The following TRAT1 variants were observed in gnomAD, a reference collection of about 807,000 sequenced individuals.
TRAT1 encodes the protein T-cell receptor-associated transmembrane adapter 1.
In TRAT1, 20 loss-of-function variants were observed where a neutral mutation model predicts 20.0. The ratio of observed to expected loss-of-function variants is 1.00; its 90% CI spans 0.70 to 1.45. The LOEUF (loss-of-function observed/expected upper bound fraction) is 1.45, where lower values mean the gene tolerates loss of function less well. Among genes scored for constraint, TRAT1 ranks in the 40% most tolerant of loss-of-function variants. TRAT1 has a pLI of 0.00. For synonymous variants in TRAT1, 77 were observed against 74.2 expected, an observed-to-expected ratio of 1.04 and a Z score of -0.20; for missense variants, 237 against 224.1, an observed-to-expected ratio of 1.06 and a Z score of -0.37.
intron 3 of TRAT1, among the ~76,000 whole-genome samples, chr3:108,846,317 C>T (rs1433312802): frequency 6.6e-6 from 1 of 152,162 alleles, no homozygotes. Flanking sequence ...GGTTTCACAA[C>T]TGGTAGTTAT....
chr3:108,845,904 C>T (rs1945938085), intron 3 of TRAT1, among the ~76,000 whole-genome samples: 1 of 152,128 alleles, frequency 6.6e-6, no homozygotes. Context: ...AGTCTAGTGA[C>T]AATGGTAGGA....
At position 108,849,264 on chromosome 3, in the gene TRAT1, G is replaced by T. The variant is rs374901055; in HGVS notation, c.303+10G>T. The T allele has an allele frequency of 3.9e-5, 63 of 1,608,398 alleles. No homozygotes were observed. The highest frequency in any genetic ancestry group is 3.4e-6 in the Non-Finnish European group (4 of 1,175,656). ...CACCCCATCTGCACAGGTGAGTTTT[G>T]TTTTCTGTTTCCACATTTGCACATT... On this transcript the variant is annotated intron_variant, in intron 5 of 5. Transcript: ENST00000295756.
intron 5 of TRAT1, among the ~76,000 whole-genome samples, chr3:108,852,763 A>T (rs904190252): frequency 1.3e-5 from 2 of 152,182 alleles, no homozygotes; most frequent in African/African-American, 4.8e-5. Context: ...CACTATGATG[A>T]TTTGCATTTT....
intron 3 of TRAT1, among the ~76,000 whole-genome samples, chr3:108,841,963 T>A (rs1945900460): frequency 6.6e-6 from 1 of 152,170 alleles, no homozygotes; most frequent in Non-Finnish European, 1.5e-5. Flanking sequence ...GAAATTTGGT[T>A]TTATCATATG....
At chr3:108,837,343 T>G (rs1398866416) in intron 2 of TRAT1, among the ~76,000 whole-genome samples, 2 of 152,224 alleles carry the variant, frequency 1.3e-5, no homozygotes, top group Middle Eastern at 3.2e-3. Flanking sequence ...CGCAAAATCT[T>G]CCCTCATTTA....
At chr3:108,832,686 T>C (rs1945805377) in intron 2 of TRAT1, among the ~76,000 whole-genome samples, 1 of 152,200 alleles carries the variant, frequency 6.6e-6, no homozygotes, top group African/African-American at 2.4e-5. Context: ...CACTCTTTCA[T>C]TGATTCCACT....
Position 108,830,776 on chromosome 3 carries a change from A to G in TRAT1, c.114A>G (p.Arg38=), listed in dbSNP as rs771329673. ...TTTCCCACTATGTGGAAAAGCAACG[A>G]CAAGGTAAGACATTTTGACAAATTT... ...FNISHYVEKQ[R]QDKMYSYSSD... Residue 38 remains arginine (R), a synonymous_variant, in exon 2 of 6, where the codon CGA becomes CGG. Coordinates refer to ENST00000295756, the MANE Select transcript of TRAT1 (RefSeq NM_016388.4). The G allele has an allele frequency of 6.2e-7, 1 of 1,603,074 alleles. No homozygotes were observed.
At chr3:108,845,262 G>A (rs1945931871) in intron 3 of TRAT1, among the ~76,000 whole-genome samples, 1 of 152,186 alleles carries the variant, frequency 6.6e-6, no homozygotes, top group Non-Finnish European at 1.5e-5. Context: ...AGATGGGCCT[G>A]TAGACACAGG....
chr3:108,833,032 A>C (rs1945808446), intron 2 of TRAT1, among the ~76,000 whole-genome samples: 1 of 152,206 alleles, frequency 6.6e-6, no homozygotes, highest in Non-Finnish European at 1.5e-5. Context: ...ATTTACCCAC[A>C]TGCATACCTT....
At chr3:108,845,706 T>G (rs1305383405) in intron 3 of TRAT1, among the ~76,000 whole-genome samples, 1 of 150,258 alleles carries the variant, frequency 6.7e-6, no homozygotes, top group African/African-American at 2.4e-5. Flanking sequence ...TAAGAGTCCT[T>G]TTTTTTTTTC....
chr3:108,852,988 A>T (rs917086682), intron 5 of TRAT1, among the ~76,000 whole-genome samples: 3 of 152,200 alleles, frequency 2.0e-5, no homozygotes, highest in Non-Finnish European at 4.4e-5. Context: ...GCCCTCTTGG[A>T]TGTGAATGGA....
At chr3:108,838,575 G>A (rs906937328) in intron 2 of TRAT1, among the ~76,000 whole-genome samples, 6 of 152,102 alleles carry the variant, frequency 3.9e-5, no homozygotes. Flanking sequence ...GAGCCACAAG[G>A]GAGGCAGGAA....
rs572946012 is a variant in TRAT1, at chr3:108,829,450, G to A, written c.8-1220G>A. 3.9e-5 allele frequency among the ~76,000 whole-genome samples: 6 copies of A among 152,146 alleles called. No homozygotes were observed. In the South Asian group the frequency reaches 1.2e-3, roughly 32 times the overall value. On this transcript the variant is annotated intron_variant, in intron 1 of 5. Coordinates refer to ENST00000295756, the MANE Select transcript of TRAT1 (RefSeq NM_016388.4). Reference sequence around the variant, plus strand: ...AACTCAAAAATTAGCCAGGCGTGGTGGTGCACACCTGTAATCCCAGCTACT... The same window carrying A: ...AACTCAAAAATTAGCCAGGCGTGGTAGTGCACACCTGTAATCCCAGCTACT...
In TRAT1 at chr3:108,830,427, G is replaced by A. The variant is rs2290056; in HGVS notation, c.8-243G>A. On this transcript the variant is annotated intron_variant, in intron 1 of 5. Transcript: ENST00000295756. ...CTTTTAATAGCTACACAAAAAAGTC[G>A]TTTATTTCATAAACACTCAGAATGT... 6.3e-4 allele frequency among the ~76,000 whole-genome samples: 96 copies of A among 152,236 alleles called. 1 individual carries two copies. In the East Asian group the frequency reaches 9.5e-3, roughly 15 times the overall value.
rs1946017437 is a variant in TRAT1 at position 108,853,631 on chromosome 3, AAC to A, written c.319_320del (p.Gln107AspfsTer7). ...TCCCTTTCTTTTAGGCAACCAATGA[AAC>A]ACAGATGTGCTACGCCTCACTTGAT... is the stretch of plus-strand genomic sequence containing the variant. Reference protein sequence around the residue: ...ATPSAQATNETQMCYASLDHS... With the variant: ...ATPSAQATNEXQMCYASLDHS... On this transcript the variant is annotated frameshift_variant, in exon 6 of 6. Coordinates refer to ENST00000295756, the MANE Select transcript of TRAT1 (RefSeq NM_016388.4). LOFTEE classifies it low-confidence loss of function (END_TRUNC). 1.2e-6 allele frequency: 2 copies of A among 1,612,910 alleles called. No homozygotes were observed. The highest frequency in any genetic ancestry group is 1.1e-5 in the South Asian group (1 of 91,024).
At chr3:108,828,523 A>C (rs1945763269) in intron 1 of TRAT1, among the ~76,000 whole-genome samples, 1 of 152,154 alleles carries the variant, frequency 6.6e-6, no homozygotes. Context: ...TTCACATGGG[A>C]TATAATAGCA....
intron 2 of TRAT1, among the ~76,000 whole-genome samples, chr3:108,833,933 T>G (rs554838946): frequency 1.3e-5 from 2 of 152,212 alleles, no homozygotes; most frequent in East Asian, 3.9e-4. Flanking sequence ...TTTCCACAAA[T>G]AATTATTAAG....
chr3:108,839,331 A>C, intron 3 of TRAT1: 1 of 209,218 alleles, frequency 4.8e-6, no homozygotes, highest in Middle Eastern at 1.8e-3. Flanking sequence ...AACCTAATAC[A>C]ATTTAAGATA....
At chr3:108,835,456 A>G (rs1013436178) in intron 2 of TRAT1, among the ~76,000 whole-genome samples, 7 of 152,232 alleles carry the variant, frequency 4.6e-5, no homozygotes, top group Admixed American at 2.0e-4. Context: ...TTGAGCCTTC[A>G]TGACAGAGCA....
Sources: allele counts gnomAD v4.1 joint callset (sites outside exome capture counted in the v4.1 genomes callset), GRCh38; gene constraint gnomAD v4.1.1; transcripts MANE v1.5; gene names NCBI Gene and HGNC (gene_info 2026-07-23, HGNC 2026-07-21).